Variants in ARHGEF1 observed in about 807,000 individuals in gnomAD.
ARHGEF1 encodes the protein Rho guanine nucleotide exchange factor 1.
A neutral mutation model predicts 119.7 loss-of-function variants in ARHGEF1; 40 were observed. The observed-to-expected ratio is 0.33, with a 90% CI of 0.26 to 0.44. The LOEUF is 0.44. ARHGEF1 is among the 20% of genes least tolerant of loss of function. The pLI, the probability that ARHGEF1 is intolerant of heterozygous loss-of-function variation, is 1.00. For missense variants in ARHGEF1, 976 were observed against 1,268.3 expected (o/e 0.77, Z 3.50); for synonymous variants, 494 against 521.0 (o/e 0.95, Z 0.71).
chr19:41,909,606 T>C, downstream of ARHGEF1: 1 of 818,118 alleles, frequency 1.2e-6, no homozygotes, highest in South Asian at 2.7e-5. This position sits in a 1 kb window ranked among gnomAD's most constrained non-coding sequence, Gnocchi z 5.2. Context: ...CTCACAGAAG[T>C]CCCTTAATAG....
At position 41,886,869 on chromosome 19, in the gene ARHGEF1, T is replaced by A. The variant is rs892817746; in HGVS notation, c.-19-1195T>A. ...GGGCTGTGGGGAGCCCCGCCGCTGG[T>A]CCACCCCACCCCTCTTTCCACAGCT... On this transcript the variant is annotated intron_variant, in intron 1 of 28. Coordinates refer to ENST00000354532, the MANE Select transcript of ARHGEF1 (RefSeq NM_004706.4). Among the ~76,000 whole-genome samples, 2 of 152,224 alleles carry A rather than the reference T, an allele frequency of 1.3e-5. 1 individual carries two copies. The highest frequency in any genetic ancestry group is 2.9e-5 in the Non-Finnish European group (2 of 68,000).
At chr19:41,908,681 G>A (rs2074733620), downstream of ARHGEF1, 1 of 1,229,634 alleles carries the variant, frequency 8.1e-7, no homozygotes, top group African/African-American at 1.6e-5. This position sits in a 1 kb window ranked among gnomAD's most constrained non-coding sequence, Gnocchi z 6.7. Context: ...TGGCACCTGG[G>A]GGGCACAGGG....
downstream of ARHGEF1, chr19:41,909,851 G>A: frequency 6.2e-7 from 1 of 1,600,062 alleles, no homozygotes. This position sits in a 1 kb window ranked among gnomAD's most constrained non-coding sequence, Gnocchi z 5.2. Flanking sequence ...CCAGCCCCAA[G>A]CCCTTCCTCA....
Position 41,888,283 on chromosome 19 carries a change from G to A in ARHGEF1, c.111+5G>A. On this transcript the variant is annotated splice_donor_5th_base_variant and intron_variant, in intron 3 of 28. Coordinates refer to ENST00000354532, the MANE Select transcript of ARHGEF1 (RefSeq NM_004706.4). This position sits in a 1 kb window ranked among gnomAD's most constrained non-coding sequence, Gnocchi z 5.1. Reference sequence around the variant, plus strand: ...TTTGAGAACGAGCTGGAGACAGTGAGTGGGAGATAGGGTGGAAAAGCTCTG... The same window carrying A: ...TTTGAGAACGAGCTGGAGACAGTGAATGGGAGATAGGGTGGAAAAGCTCTG... The A allele has an allele frequency of 3.1e-6, 5 of 1,613,564 alleles. No homozygotes were observed. Among genetic ancestry groups the A allele is most frequent in the Non-Finnish European group, 4.2e-6 (5 of 1,179,906 alleles).
In ARHGEF1 at chr19:41,916,517, CAAA is replaced by C. The variant is rs1555851958; in HGVS notation, c.1866-6574_1866-6572del. On this transcript the variant is annotated intron_variant, in intron 18 of 20. Transcript: ENST00000599589. This position sits in a 1 kb window ranked among gnomAD's most constrained non-coding sequence, Gnocchi z 5.4. ...ACATCAATTCAATCTCACACAGAAACAAAGACACAAAATCACAAATCCTAGACA... is the reference window on the plus strand; with the variant it reads ...ACATCAATTCAATCTCACACAGAAACGACACAAAATCACAAATCCTAGACA... Among the ~76,000 whole-genome samples, 2 of 152,084 alleles carry C rather than the reference CAAA, an allele frequency of 1.3e-5. No homozygotes were observed. The highest frequency in any genetic ancestry group is 4.8e-5 in the African/African-American group (2 of 41,402).
At position 41,917,584 on chromosome 19, in the gene ARHGEF1, A is replaced by T. The variant is rs2074809491; in HGVS notation, c.1866-5508A>T. Among the ~76,000 whole-genome samples the T allele has an allele frequency of 6.6e-6, 1 of 151,500 alleles. No homozygotes were observed. The highest frequency in any genetic ancestry group is 2.1e-4 in the South Asian group (1 of 4,802). ...GGGGCTCTGTCTAAAGAGGAGAGAG[A>T]CGCGGCCTAAGACCCTTCTGCCACC... is the stretch of plus-strand genomic sequence containing the variant. On this transcript the variant is annotated intron_variant, in intron 18 of 20. Coordinates refer to the ARHGEF1 transcript ENST00000599589. This position sits in a 1 kb window ranked among gnomAD's most constrained non-coding sequence, Gnocchi z 4.8.
At chr19:41,913,220 C>A (rs894529031) in intron 18 of ARHGEF1, among the ~76,000 whole-genome samples, 1 of 151,766 alleles carries the variant, frequency 6.6e-6, no homozygotes, top group South Asian at 2.1e-4. Context: ...TCCCTCCCCG[C>A]TCCCCGCCAC....
chr19:41,903,818 C>G lies in ARHGEF1; in HGVS notation c.1917+34C>G, dbSNP rs575636035. On this transcript the variant is annotated intron_variant, in intron 20 of 28. Transcript: ENST00000354532. This position sits in a 1 kb window ranked among gnomAD's most constrained non-coding sequence, Gnocchi z 4.2. ...ATACCCTCCTGCCTCCCCCGCCCCC[C>G]TACTCCTTGGCCCAGGGGATTCTGT... is the stretch of plus-strand genomic sequence containing the variant. 4 of 1,606,740 alleles carry G rather than the reference C, an allele frequency of 2.5e-6. No homozygotes were observed. Among genetic ancestry groups the G allele is most frequent in the Non-Finnish European group, 3.4e-6 (4 of 1,174,862 alleles).
Position 41,916,106 on chromosome 19 carries a change from C to G in ARHGEF1, c.1866-6986C>G, listed in dbSNP as rs1226578197. 6.6e-6 allele frequency among the ~76,000 whole-genome samples: 1 copy of G among 151,968 alleles called. No homozygotes were observed. The highest frequency in any genetic ancestry group is 6.5e-5 in the Admixed American group (1 of 15,268). ...CGAAGCGGTGTGCAGAGGCGCTGGG[C>G]AGGCGAGGGCCCTCCTCCCTTCTCT... is the stretch of plus-strand genomic sequence containing the variant. On this transcript the variant is annotated intron_variant, in intron 18 of 20. Transcript: ENST00000599589. The surrounding 1 kb of genome is among the most constrained non-coding windows in gnomAD (Gnocchi z 5.4).
At chr19:41,893,225 G>T (rs1555846679) in intron 7 of ARHGEF1, 49 bp from the exon 8 acceptor site, 8 of 1,610,218 alleles carry the variant, frequency 5.0e-6, no homozygotes, top group Non-Finnish European at 6.8e-6. Flanking sequence ...GGTGGATGGG[G>T]ACCCCAGGCC....
exon 1 of ARHGEF1, chr19:41,923,113 T>C (rs782261046): frequency 2.2e-6 from 1 of 456,266 alleles, no homozygotes; most frequent in South Asian, 1.5e-5. Context: ...CACCACCACC[T>C]GTGAGGTAGG....
At chr19:41,912,538 C>T (rs1162909680) in intron 18 of ARHGEF1, among the ~76,000 whole-genome samples, 2 of 152,198 alleles carry the variant, frequency 1.3e-5, no homozygotes, top group African/African-American at 2.4e-5. Context: ...GCAGGTCCTG[C>T]GTGGGAGCAG....
At chr19:41,913,810 C>T (rs2074769113) in intron 18 of ARHGEF1, among the ~76,000 whole-genome samples, 1 of 150,574 alleles carries the variant, frequency 6.6e-6, no homozygotes, top group African/African-American at 2.5e-5. Context: ...TCCACACACA[C>T]ACCCTTGCAA....
Position 41,905,131 on chromosome 19 carries a change from G to T in ARHGEF1, c.2250-44G>T. 6.2e-7 allele frequency: 1 copy of T among 1,612,208 alleles called. No homozygotes were observed. Among genetic ancestry groups the T allele is most frequent in the Non-Finnish European group, 8.5e-7 (1 of 1,178,338 alleles). ...GGCTGTGGGGAGGCCCTGGCATAGGGTCTGGGGGCTCTGACTGCCCAGGGA... is the reference window on the plus strand; with the variant it reads ...GGCTGTGGGGAGGCCCTGGCATAGGTTCTGGGGGCTCTGACTGCCCAGGGA... On this transcript the variant is annotated intron_variant, in intron 23 of 28. Transcript: ENST00000354532. This position sits in a 1 kb window ranked among gnomAD's most constrained non-coding sequence, Gnocchi z 6.4.
At chr19:41,894,123 A>AGTGTGTGTGT in intron 8 of ARHGEF1, 84 bp from the exon 9 acceptor site, 3 of 649,674 alleles carry the variant, frequency 4.6e-6, no homozygotes, top group South Asian at 1.1e-4. Flanking sequence ...AGAGAGAGAG[A>AGTGTGTGTGT]GTGTGTGTGT....
chr19:41,918,692 A>T (rs2074818952), upstream of ARHGEF1, among the ~76,000 whole-genome samples: 1 of 144,570 alleles, frequency 6.9e-6, no homozygotes, highest in South Asian at 2.2e-4. Context: ...CACACACCAC[A>T]TATCCGCCAC....
At chr19:41,893,349 G>T in intron 8 of ARHGEF1, 46 bp downstream of exon 8, 10 of 1,525,884 alleles carry the variant, frequency 6.6e-6, no homozygotes, top group Non-Finnish European at 8.9e-6. Flanking sequence ...TTTGAGGGAG[G>T]AGGGGGCTGA....
At chr19:41,885,255 C>T (rs1600638970) in intron 1 of ARHGEF1, among the ~76,000 whole-genome samples, 1 of 152,324 alleles carries the variant, frequency 6.6e-6, no homozygotes, top group East Asian at 1.9e-4. Flanking sequence ...CCTCCATCAT[C>T]TCCAACCCCC....
chr19:41,913,886 A>G (rs1241900204), intron 18 of ARHGEF1, among the ~76,000 whole-genome samples: 1 of 129,690 alleles, frequency 7.7e-6, no homozygotes, highest in East Asian at 2.2e-4. Flanking sequence ...CCCTCCCCTC[A>G]GGCACTTCAG....
Sources: gnomAD v4.1 joint callset for allele counts (sites outside exome capture counted in the v4.1 genomes callset) on GRCh38, gnomAD v4.1.1 for gene constraint, Gnocchi (gnomAD v3.1) non-coding constraint, MANE v1.5 for transcripts, NCBI Gene and HGNC (gene_info 2026-07-23, HGNC 2026-07-21) for gene names.